VTI1A: variants seen among roughly 807,000 people sequenced by gnomAD.
VTI1A encodes vesicle transport through interaction with t-SNAREs homolog 1A.
A neutral mutation model predicts 34.9 loss-of-function variants in VTI1A; 22 were observed. That is an observed-to-expected ratio of 0.63 (90% CI 0.45 to 0.90). The LOEUF (loss-of-function observed/expected upper bound fraction) is 0.90. VTI1A is among the 40% of genes least tolerant of loss of function. VTI1A has a pLI of 0.00. For synonymous variants in VTI1A, 87 were observed against 97.3 expected, an observed-to-expected ratio of 0.89 and a Z score of 0.62; for missense variants, 268 against 275.6, an observed-to-expected ratio of 0.97 and a Z score of 0.20.
intron 3 of VTI1A, among the ~76,000 whole-genome samples, chr10:112,469,857 T>A (rs1485623648): frequency 6.6e-6 from 1 of 152,216 alleles, no homozygotes; most frequent in Non-Finnish European, 1.5e-5. Context: ...TTGTGGCTGC[T>A]TCTCACCATT....
chr10:112,607,933 G>A (rs541073695), intron 5 of VTI1A, among the ~76,000 whole-genome samples: 2 of 152,292 alleles, frequency 1.3e-5, no homozygotes, highest in Admixed American at 1.3e-4. Context: ...GAGTGTAGGT[G>A]AGAATAGCCA....
chr10:112,696,764 C>T (rs67716984), intron 7 of VTI1A, among the ~76,000 whole-genome samples: 8,269 of 152,226 alleles, frequency 0.054, 268 homozygotes, highest in Middle Eastern at 0.078. Context: ...AGTCAGGTCA[C>T]AGCAGCCAGA....
At chr10:112,476,221 G>C (rs1267496082) in intron 3 of VTI1A, among the ~76,000 whole-genome samples, 2 of 152,164 alleles carry the variant, frequency 1.3e-5, no homozygotes, top group Non-Finnish European at 2.9e-5. Context: ...AAACTTTTTA[G>C]TGGTTGCTTA....
chr10:112,769,737 C>T (rs980456296), intron 7 of VTI1A, among the ~76,000 whole-genome samples: 2 of 152,180 alleles, frequency 1.3e-5, no homozygotes, highest in African/African-American at 2.4e-5. Context: ...AGGAGTCTCA[C>T]CTCTTTTACC....
chr10:112,606,504 A>G lies in VTI1A; in HGVS notation c.428-61714A>G, dbSNP rs754998603. On this transcript the variant is annotated intron_variant, in intron 5 of 7. Coordinates refer to ENST00000393077, the MANE Select transcript of VTI1A (RefSeq NM_145206.4). ...GAAGTGGGGCAAGTCACCATAAGAC[A>G]GTTATGAGCTGTGTGAGGACAAGAA... 6.6e-5 allele frequency among the ~76,000 whole-genome samples: 10 copies of G among 152,332 alleles called. 1 individual carries two copies. The highest frequency in any genetic ancestry group is 6.8e-3 in the Middle Eastern group (2 of 294).
Position 112,796,542 on chromosome 10 carries a change from A to C in VTI1A, c.561-18748A>C, listed in dbSNP as rs538805880. Among the ~76,000 whole-genome samples the C allele has an allele frequency of 6.6e-5, 10 of 152,320 alleles. No homozygotes were observed. In the South Asian group the frequency reaches 1.5e-3, roughly 22 times the overall value. On this transcript the variant is annotated intron_variant, in intron 7 of 7. Coordinates refer to ENST00000393077, the MANE Select transcript of VTI1A (RefSeq NM_145206.4). ...TCTAAGAGCAATTCAAGTAAAATGC[A>C]GCCCACCTCTTCACAAAACTGGCTC...
the VTI1A span, among the ~76,000 whole-genome samples, chr10:112,830,849 A>ATATATATATATATTTTT: frequency 2.4e-4 from 8 of 33,496 alleles, no homozygotes; most frequent in South Asian, 1.6e-3. Flanking sequence ...ATATATATAT[A>ATATATATATATATTTTT]TTTTTTTTTT....
chr10:112,491,137 G>A (rs1848807219), intron 3 of VTI1A, among the ~76,000 whole-genome samples: 1 of 152,154 alleles, frequency 6.6e-6, no homozygotes, highest in South Asian at 2.1e-4. Context: ...AGGAGAAGTT[G>A]TAGGCAGGAG....
rs567440051 is a variant in VTI1A, at chr10:112,817,434, A to G, written c.*2051A>G. 87 of 231,502 alleles carry G rather than the reference A, an allele frequency of 3.8e-4. 1 individual carries two copies. The highest frequency in any genetic ancestry group is 6.6e-5 in the African/African-American group (3 of 45,362). 14.3% of individuals were successfully genotyped at this position (231,502 alleles called of 1,614,324 possible). A position where few individuals can be genotyped will look rare whatever the true frequency, so the allele number is the denominator to read the frequency against. On this transcript the variant is annotated 3_prime_UTR_variant, in exon 8 of 8. Coordinates refer to ENST00000393077, the MANE Select transcript of VTI1A (RefSeq NM_145206.4). ...GGAGGAGGGCATTGCTCACCTCTCAATAGCTTTTTTCGTTCAAGTTCTATG... is the reference window on the plus strand; with the variant it reads ...GGAGGAGGGCATTGCTCACCTCTCAGTAGCTTTTTTCGTTCAAGTTCTATG...
chr10:112,656,001 A>C (rs1340283512), intron 5 of VTI1A, among the ~76,000 whole-genome samples: 1 of 152,210 alleles, frequency 6.6e-6, no homozygotes, highest in African/African-American at 2.4e-5. Context: ...TTTAAAGCAA[A>C]TACATGCAGA....
intron 7 of VTI1A, among the ~76,000 whole-genome samples, chr10:112,697,048 A>C (rs1037036967): frequency 2.6e-5 from 4 of 152,304 alleles, no homozygotes. Flanking sequence ...TTCTTTATTC[A>C]GAATAATCAG....
the VTI1A span, among the ~76,000 whole-genome samples, chr10:112,837,274 C>G: frequency 7.9e-5 from 12 of 152,106 alleles, no homozygotes; most frequent in African/African-American, 9.7e-5. Flanking sequence ...TTGCAGTGAG[C>G]CAAGATTGCG....
At chr10:112,630,829 T>C (rs1186435898) in intron 5 of VTI1A, among the ~76,000 whole-genome samples, 2 of 152,048 alleles carry the variant, frequency 1.3e-5, no homozygotes, top group East Asian at 1.9e-4. Flanking sequence ...TATGTAACAA[T>C]ATAAGAAGGC....
At chr10:112,507,283 C>T (rs1849464157) in intron 3 of VTI1A, among the ~76,000 whole-genome samples, 1 of 152,134 alleles carries the variant, frequency 6.6e-6, no homozygotes, top group African/African-American at 2.4e-5. Context: ...GGGAGGTTTT[C>T]CTGTGCTTTA....
intron 3 of VTI1A, among the ~76,000 whole-genome samples, chr10:112,504,551 T>C (rs1849360488): frequency 6.6e-6 from 1 of 152,204 alleles, no homozygotes; most frequent in Non-Finnish European, 1.5e-5. Flanking sequence ...ACCAAATTTA[T>C]TTAACCAATC....
the VTI1A span, among the ~76,000 whole-genome samples, chr10:112,833,738 C>A: frequency 6.6e-6 from 1 of 152,184 alleles, no homozygotes; most frequent in Non-Finnish European, 1.5e-5. Context: ...TCTATTTCTC[C>A]TTGGGGCATC....
At chr10:112,630,880 G>A (rs1374336170) in intron 5 of VTI1A, among the ~76,000 whole-genome samples, 1 of 152,196 alleles carries the variant, frequency 6.6e-6, no homozygotes, top group Non-Finnish European at 1.5e-5. Context: ...CCAGCACTTT[G>A]GGAGGCTGAG....
the VTI1A span, among the ~76,000 whole-genome samples, chr10:112,839,153 T>G: frequency 1.3e-5 from 2 of 151,496 alleles, no homozygotes; most frequent in African/African-American, 4.9e-5. Flanking sequence ...GGGGATGGAG[T>G]CGAAACTCAC....
chr10:112,489,469 T>G (rs148034401), intron 3 of VTI1A, among the ~76,000 whole-genome samples: 202 of 152,370 alleles, frequency 1.3e-3, no homozygotes, highest in African/African-American at 4.5e-3. Context: ...TTTCCAGAAC[T>G]GCTCTTTGGG....
Sources: allele counts gnomAD v4.1 joint callset (sites outside exome capture counted in the v4.1 genomes callset), GRCh38; gene constraint gnomAD v4.1.1; transcripts MANE v1.5; gene names NCBI Gene and HGNC (gene_info 2026-07-23, HGNC 2026-07-21).